CWC27: variants seen among roughly 807,000 people sequenced by gnomAD.
CWC27 encodes the protein CWC27 spliceosome associated cyclophilin.
A neutral mutation model predicts 63.6 loss-of-function variants in CWC27; 47 were observed. The ratio of observed to expected loss-of-function variants is 0.74; its 90% CI spans 0.58 to 0.94. The LOEUF (loss-of-function observed/expected upper bound fraction) is 0.94. Ranked by LOEUF, CWC27 falls within the 40% of genes least tolerant of loss-of-function variation. The pLI, the probability that CWC27 is intolerant of heterozygous loss-of-function variation, is 0.00. For synonymous variants in CWC27, 175 were observed against 179.8 expected (o/e 0.97, Z 0.22); for missense variants, 495 against 554.3 (o/e 0.89, Z 1.07).
intron 13 of CWC27, among the ~76,000 whole-genome samples, chr5:65,003,198 T>C (rs1335387175): frequency 6.6e-6 from 1 of 152,224 alleles, no homozygotes; most frequent in African/African-American, 2.4e-5. Context: ...GTGAGTTCGT[T>C]ATAGGCAGCA....
chr5:64,774,209 A>T (rs1359427865), intron 1 of CWC27, among the ~76,000 whole-genome samples: 2 of 152,130 alleles, frequency 1.3e-5, no homozygotes, highest in African/African-American at 4.8e-5. Context: ...AGGCTGGAAT[A>T]TAGTGGCATG....
chr5:64,918,007 C>T (rs975551726), intron 11 of CWC27, among the ~76,000 whole-genome samples: 5 of 151,584 alleles, frequency 3.3e-5, no homozygotes, highest in Middle Eastern at 3.4e-3. Context: ...TTAATATACC[C>T]GATAAATTCA....
chr5:64,782,447 C>T (rs868757172), intron 3 of CWC27, among the ~76,000 whole-genome samples: 3 of 139,766 alleles, frequency 2.1e-5, no homozygotes, highest in Non-Finnish European at 3.1e-5. Context: ...GACTCCGTCT[C>T]AAATAAATAA....
In CWC27 at chr5:64,990,152, A is replaced by AT. The variant is rs749831831; in HGVS notation, c.1256+12916dup. Among the ~76,000 whole-genome samples the AT allele has an allele frequency of 2.6e-5, 4 of 151,602 alleles. No individual in the cohort carries two copies. In the South Asian group the frequency reaches 8.3e-4, roughly 31 times the overall value. ...ATGATCAACTGCAAGACAAATATTCATTCATCAACTTTTGGAGAGTAATAT... is the reference window on the plus strand; with the variant it reads ...ATGATCAACTGCAAGACAAATATTCATTTCATCAACTTTTGGAGAGTAATAT... On this transcript the variant is annotated intron_variant, in intron 13 of 13. Transcript: ENST00000381070.
intron 13 of CWC27, among the ~76,000 whole-genome samples, chr5:64,990,498 C>T (rs1749520111): frequency 7.2e-6 from 1 of 139,042 alleles, no homozygotes; most frequent in Non-Finnish European, 1.6e-5. Flanking sequence ...ATCTCCTGAC[C>T]TCGTGATCTG....
chr5:64,849,215 A>G (rs1264333800), intron 10 of CWC27, among the ~76,000 whole-genome samples: 1 of 145,028 alleles, frequency 6.9e-6, no homozygotes, highest in Non-Finnish European at 1.5e-5. Flanking sequence ...GAACACTCCT[A>G]TTTCCAATAG....
intron 10 of CWC27, among the ~76,000 whole-genome samples, chr5:64,825,733 G>A (rs1169158062): frequency 6.6e-6 from 1 of 152,084 alleles, no homozygotes; most frequent in African/African-American, 2.4e-5. Context: ...TAGGATGGTT[G>A]GTTTTGTAAG....
At chr5:64,978,981 G>A (rs1749283183) in intron 13 of CWC27, among the ~76,000 whole-genome samples, 1 of 152,100 alleles carries the variant, frequency 6.6e-6, no homozygotes, top group African/African-American at 2.4e-5. Flanking sequence ...TAACTTCCAA[G>A]GTTCTTCCTA....
At chr5:64,796,008 T>C (rs1163015567) in intron 7 of CWC27, among the ~76,000 whole-genome samples, 1 of 138,094 alleles carries the variant, frequency 7.2e-6, no homozygotes, top group East Asian at 2.0e-4. Flanking sequence ...TGTGCGTGTG[T>C]GTGTGTGTGT....
At chr5:64,779,846 G>C (rs1743600398) in intron 2 of CWC27, among the ~76,000 whole-genome samples, 1 of 152,138 alleles carries the variant, frequency 6.6e-6, no homozygotes, top group African/African-American at 2.4e-5. Context: ...AGTCTCATGA[G>C]ATCTGATGGT....
intron 10 of CWC27, among the ~76,000 whole-genome samples, chr5:64,820,394 T>A (rs1334342987): frequency 8.1e-6 from 1 of 124,216 alleles, no homozygotes; most frequent in Non-Finnish European, 1.7e-5. Flanking sequence ...CTGTTTAACT[T>A]TTTGTTGTTG....
intron 10 of CWC27, chr5:64,807,801 A>G: frequency 6.5e-7 from 1 of 1,535,020 alleles, no homozygotes; most frequent in Non-Finnish European, 8.7e-7. Flanking sequence ...TTTTTTTATG[A>G]AATGAGAGTA....
intron 11 of CWC27, among the ~76,000 whole-genome samples, chr5:64,918,031 C>T (rs1747924549): frequency 6.6e-6 from 1 of 151,538 alleles, no homozygotes; most frequent in Non-Finnish European, 1.5e-5. Flanking sequence ...CAAAACAAAA[C>T]TTGAAAAAAA....
At chr5:64,808,818 A>G (rs1744778085) in intron 10 of CWC27, among the ~76,000 whole-genome samples, 1 of 152,226 alleles carries the variant, frequency 6.6e-6, no homozygotes, top group Non-Finnish European at 1.5e-5. Context: ...CATTAGGCTC[A>G]CGGAGGAGGC....
chr5:64,840,362 TAAAAAAAAAAAAAAAAAAA>T (rs10534375), intron 10 of CWC27, among the ~76,000 whole-genome samples: 18 of 22,246 alleles, frequency 8.1e-4, no homozygotes, highest in African/African-American at 1.3e-3. Flanking sequence ...CCTTTTTCAT[TAAAAAAAAAAAAAAAAAAA>T]AAAAAAAAAA....
chr5:64,897,182 G>A (rs755511493), intron 11 of CWC27, among the ~76,000 whole-genome samples: 1 of 152,102 alleles, frequency 6.6e-6, no homozygotes, highest in African/African-American at 2.4e-5. Flanking sequence ...CTAGGTGACA[G>A]AGTGAGAATC....
intron 13 of CWC27, among the ~76,000 whole-genome samples, chr5:65,012,162 C>T (rs1749972506): frequency 1.3e-5 from 2 of 152,166 alleles, no homozygotes; most frequent in East Asian, 3.9e-4. Context: ...TCTTATCTTC[C>T]TTACTAGACC....
intron 10 of CWC27, among the ~76,000 whole-genome samples, chr5:64,856,217 T>C (rs891030883): frequency 1.3e-5 from 2 of 152,114 alleles, no homozygotes; most frequent in Non-Finnish European, 2.9e-5. Flanking sequence ...TCAATACTTA[T>C]GGACAATTGT....
chr5:64,980,414 T>A (rs1749313650), intron 13 of CWC27, among the ~76,000 whole-genome samples: 1 of 152,060 alleles, frequency 6.6e-6, no homozygotes, highest in African/African-American at 2.4e-5. Context: ...CTTGGTGAGC[T>A]CCCAAAAAAG....
Sources: allele counts gnomAD v4.1 joint callset (sites outside exome capture counted in the v4.1 genomes callset), GRCh38; gene constraint gnomAD v4.1.1; transcripts MANE v1.5; gene names NCBI Gene and HGNC (gene_info 2026-07-23, HGNC 2026-07-21).